TAB1: variants seen among roughly 807,000 people sequenced by gnomAD.
TAB1 encodes the protein TGF-beta-activated kinase 1 and MAP3K7-binding protein 1.
TAB1 carries 30 observed loss-of-function variants against 54.5 expected under a neutral mutation model. The observed-to-expected ratio is 0.55, with a 90% CI of 0.41 to 0.75. The LOEUF (loss-of-function observed/expected upper bound fraction) is 0.75. TAB1 is among the 30% of genes least tolerant of loss of function. The pLI is 0.00. For synonymous variants in TAB1, 289 were observed against 286.9 expected (o/e 1.01, Z -0.07); for missense variants, 609 against 683.2 (o/e 0.89, Z 1.21).
chr22:39,421,690 TTCTC>T, intron 7 of TAB1, 133 bp from the exon 8 acceptor site: 3 of 941,954 alleles, frequency 3.2e-6, no homozygotes, highest in Non-Finnish European at 4.7e-6. Context: ...GACCTTCTCT[TTCTC>T]TCTTTTCTTT....
intron 1 of TAB1, among the ~76,000 whole-genome samples, chr22:39,411,691 T>C (rs566754621): frequency 3.3e-5 from 5 of 152,206 alleles, no homozygotes; most frequent in Non-Finnish European, 7.4e-5. Context: ...GTTAAACATA[T>C]ACTTACCATA....
chr22:39,426,617 T>G, intron 8 of TAB1, 86 bp from the exon 9 acceptor site: 3 of 1,251,694 alleles, frequency 2.4e-6, no homozygotes, highest in Non-Finnish European at 3.3e-6. Context: ...CCACTGAATC[T>G]CCTGATTTTA....
In TAB1 at chr22:39,415,666, G is replaced by T. The variant is rs771066613; in HGVS notation, c.324+13G>T. 3 of 1,601,874 alleles carry T rather than the reference G, an allele frequency of 1.9e-6. No individual in the cohort carries two copies. Among genetic ancestry groups the T allele is most frequent in the Non-Finnish European group, 2.5e-6 (3 of 1,177,108 alleles). On this transcript the variant is annotated intron_variant, in intron 3 of 10. Coordinates refer to ENST00000216160, the MANE Select transcript of TAB1 (RefSeq NM_006116.3). The surrounding 1 kb of genome is among the most constrained non-coding windows in gnomAD (Gnocchi z 4.9). ...TGTGCTGCTGCAGGTAATGGTGCCG[G>T]GGCCAACAGTGACCCAGCCACATCA... is the stretch of plus-strand genomic sequence containing the variant.
At chr22:39,432,696 C>T (rs1236588569), downstream of TAB1, 2 of 961,568 alleles carry the variant, frequency 2.1e-6, no homozygotes, top group Non-Finnish European at 1.2e-6. Context: ...GGTTCAGGCA[C>T]AGTCCTGGTC....
At chr22:39,399,886 G>T (rs774402847) in intron 1 of TAB1, 51 bp downstream of exon 1, 8 of 1,554,654 alleles carry the variant, frequency 5.1e-6, no homozygotes, top group Non-Finnish European at 7.0e-6. Context: ...CTGGGCGGGG[G>T]TGCTGTCGGG....
chr22:39,421,090 T>TA (rs1452792994), intron 7 of TAB1, among the ~76,000 whole-genome samples: 1 of 151,930 alleles, frequency 6.6e-6, no homozygotes, highest in Admixed American at 6.6e-5. Context: ...TCTTTTTTTT[T>TA]AAACCCTAAG....
In TAB1 at chr22:39,415,542, T is replaced by C. The variant is rs756652183; in HGVS notation, c.213T>C (p.Tyr71=). 7 of 1,614,222 alleles carry C rather than the reference T, an allele frequency of 4.3e-6. No homozygotes were observed. Among genetic ancestry groups the C allele is most frequent in the Middle Eastern group, 1.6e-4 (1 of 6,062 alleles). Residue 71 remains tyrosine (Y), a synonymous_variant, in exon 3 of 11, where the codon TAT becomes TAC. Transcript: ENST00000216160. The surrounding 1 kb of genome is among the most constrained non-coding windows in gnomAD (Gnocchi z 4.9). ...NCFLYGVFNG[Y]DGNRVTNFVA... ...TCCTGTATGGGGTCTTCAACGGCTA[T>C]GATGGCAACCGAGTGACCAACTTCG...
intron 9 of TAB1, 88 bp from the exon 10 acceptor site, chr22:39,427,933 C>A: frequency 7.6e-7 from 1 of 1,322,420 alleles, no homozygotes; most frequent in Non-Finnish European, 1.0e-6. Flanking sequence ...CAGGCACCAC[C>A]CCATCAGGCC....
At chr22:39,408,359 A>T (rs182637012) in intron 1 of TAB1, among the ~76,000 whole-genome samples, 118 of 152,004 alleles carry the variant, frequency 7.8e-4, no homozygotes, top group Non-Finnish European at 1.5e-3. Context: ...TCATCAGCTT[A>T]CTCCTGGTCT....
chr22:39,430,277 A>T lies in TAB1; in HGVS notation c.*55A>T. On this transcript the variant is annotated 3_prime_UTR_variant, in exon 11 of 11. Coordinates refer to ENST00000216160, the MANE Select transcript of TAB1 (RefSeq NM_006116.3). ...CCTGGCATGGGGCAGGACAGGGTCC[A>T]GCCTTTTCCTAACATCTGCCTGTGC... The T allele has an allele frequency of 1.3e-6, 2 of 1,595,442 alleles. No homozygotes were observed. Among genetic ancestry groups the T allele is most frequent in the South Asian group, 1.1e-5 (1 of 90,830 alleles).
At chr22:39,406,570 C>T (rs1312126138) in intron 1 of TAB1, among the ~76,000 whole-genome samples, 1 of 151,988 alleles carries the variant, frequency 6.6e-6, no homozygotes, top group Admixed American at 6.6e-5. Context: ...TTTGCCTTAC[C>T]ATGGGTACTT....
chr22:39,409,737 C>T (rs1174061095), intron 1 of TAB1, among the ~76,000 whole-genome samples: 7 of 152,188 alleles, frequency 4.6e-5, no homozygotes, highest in Admixed American at 3.9e-4. Context: ...AGGCCCCCAC[C>T]GCCCATCACG....
intron 3 of TAB1, among the ~76,000 whole-genome samples, chr22:39,416,545 A>T (rs538254257): frequency 1.2e-4 from 18 of 152,374 alleles, no homozygotes; most frequent in Non-Finnish European, 2.6e-4. Context: ...AGCCGTCTGC[A>T]GTGCTGCCTC....
intron 1 of TAB1, among the ~76,000 whole-genome samples, chr22:39,407,219 C>T (rs763164047): frequency 2.6e-5 from 4 of 152,194 alleles, no homozygotes; most frequent in Non-Finnish European, 5.9e-5. Flanking sequence ...CTCATCTTCT[C>T]TTGGGTATAT....
intron 5 of TAB1, 51 bp from the exon 6 acceptor site, chr22:39,418,681 C>G (rs1262802650): frequency 7.4e-7 from 1 of 1,355,910 alleles, no homozygotes; most frequent in Non-Finnish European, 1.1e-6. Context: ...CCGGTATGCC[C>G]TATTTCTCTC....
chr22:39,428,950 G>A (rs1367786977), intron 10 of TAB1, among the ~76,000 whole-genome samples: 3 of 152,256 alleles, frequency 2.0e-5, no homozygotes, highest in South Asian at 2.1e-4. Context: ...AGGCCTGCCA[G>A]GCCGAGCAAG....
intron 1 of TAB1, 25 bp downstream of exon 1, chr22:39,399,860 G>A (rs1404934662): frequency 6.3e-7 from 1 of 1,586,806 alleles, no homozygotes; most frequent in Non-Finnish European, 8.6e-7. Context: ...CGCTCTCTGG[G>A]CTTGGGGTTG....
At chr22:39,412,576 G>A (rs1207870510) in intron 1 of TAB1, among the ~76,000 whole-genome samples, 1 of 152,078 alleles carries the variant, frequency 6.6e-6, no homozygotes, top group Non-Finnish European at 1.5e-5. Context: ...GCTCCAGGGT[G>A]CAAAATGTAG....
chr22:39,420,818 T>TGTGTGTGTGTGTG (rs1569199244), intron 7 of TAB1, among the ~76,000 whole-genome samples: 1 of 144,908 alleles, frequency 6.9e-6, no homozygotes, highest in Non-Finnish European at 1.5e-5. Context: ...TGTGTGTGTG[T>TGTGTGTGTGTGTG]TTGTCCTGGG....
Sources: allele counts gnomAD v4.1 joint callset (sites outside exome capture counted in the v4.1 genomes callset), GRCh38; gene constraint gnomAD v4.1.1; non-coding constraint Gnocchi (gnomAD v3.1); transcripts MANE v1.5; gene names NCBI Gene and HGNC (gene_info 2026-07-23, HGNC 2026-07-21).